The following LRRC61 variants were observed in gnomAD, a reference collection of about 807,000 sequenced individuals.
LRRC61 encodes leucine-rich repeat-containing protein 61.
A neutral mutation model predicts 15.1 loss-of-function variants in LRRC61; 9 were observed. The ratio of observed to expected loss-of-function variants is 0.60; its 90% CI spans 0.36 to 1.04. The LOEUF is 1.04. LRRC61 is among the 50% of genes least tolerant of loss of function. LRRC61 has a pLI of 0.01. For missense variants in LRRC61, 344 were observed against 335.6 expected (o/e 1.03, Z -0.20); for synonymous variants, 173 against 158.6 (o/e 1.09, Z -0.68).
chr7:150,321,034 G>A (rs181713782), upstream of LRRC61, among the ~76,000 whole-genome samples: 29 of 152,284 alleles, frequency 1.9e-4, no homozygotes, highest in African/African-American at 6.0e-4. Flanking sequence ...ACCCTGGGCT[G>A]GTCCTTAACT....
intron 1 of LRRC61, among the ~76,000 whole-genome samples, 174 bp from the exon 2 acceptor site, chr7:150,325,667 C>T (rs970690520): frequency 6.6e-6 from 1 of 152,130 alleles, no homozygotes; most frequent in Non-Finnish European, 1.5e-5. Flanking sequence ...GACAAGGTTT[C>T]GCCATCTTGC....
At chr7:150,336,188 A>G (rs1016259950) in intron 2 of LRRC61, among the ~76,000 whole-genome samples, 1 of 152,190 alleles carries the variant, frequency 6.6e-6, no homozygotes, top group Non-Finnish European at 1.5e-5. Context: ...CAGCTGACCC[A>G]TATAATCTGG....
chr7:150,317,599 A>C, the LRRC61 span, among the ~76,000 whole-genome samples: 1 of 152,206 alleles, frequency 6.6e-6, no homozygotes, highest in Non-Finnish European at 1.5e-5. Flanking sequence ...AAACCACCAG[A>C]ACAACGTTAA....
At chr7:150,332,987 G>A (rs1225743217) in intron 2 of LRRC61, among the ~76,000 whole-genome samples, 1 of 152,192 alleles carries the variant, frequency 6.6e-6, no homozygotes, top group Non-Finnish European at 1.5e-5. Flanking sequence ...GGGAGGATCC[G>A]AGAATGTGAT....
At chr7:150,321,553 A>T (rs1371490933), upstream of LRRC61, among the ~76,000 whole-genome samples, 1 of 152,172 alleles carries the variant, frequency 6.6e-6, no homozygotes, top group Non-Finnish European at 1.5e-5. Flanking sequence ...CACCCTGGCC[A>T]ATATGGCGAA....
At chr7:150,314,735 G>C in the LRRC61 span, among the ~76,000 whole-genome samples, 1 of 142,266 alleles carries the variant, frequency 7.0e-6, no homozygotes, top group Non-Finnish European at 1.5e-5. Context: ...TTGAGCCCAA[G>C]ACCAGCCTGA....
At position 150,335,030 on chromosome 7, in the gene LRRC61, CAAAAAAAA is replaced by C. The variant is rs58391879; in HGVS notation, c.-144-1677_-144-1670del. Among the ~76,000 whole-genome samples, 15 of 102,352 alleles carry C rather than the reference CAAAAAAAA, an allele frequency of 1.5e-4. No homozygotes were observed. The highest frequency in any genetic ancestry group is 2.2e-4 in the Non-Finnish European group (11 of 49,036). 67.1% of individuals were successfully genotyped at this position (102,352 alleles called of 152,430 possible). On this transcript the variant is annotated intron_variant, in intron 2 of 2. Transcript: ENST00000359623. This position sits in a 1 kb window ranked among gnomAD's most constrained non-coding sequence, Gnocchi z 4.3. ...GGGCAACAAGAGTGAAACTCTGTCT[CAAAAAAAA>C]AAAAAAAAAAGAAAAAAAGGAGCCC... is the stretch of plus-strand genomic sequence containing the variant.
rs1191785394 is a variant in LRRC61 at position 150,333,183 on chromosome 7, T to C, written c.-144-3535T>C. ...GGCTCGGGAGAAGAACGTGAGAAGA[T>C]TGGGTGAGGATGAAAGGAAGAGGGT... is the stretch of plus-strand genomic sequence containing the variant. On this transcript the variant is annotated intron_variant, in intron 2 of 2. Coordinates refer to ENST00000359623, the MANE Select transcript of LRRC61 (RefSeq NM_001142928.2). The surrounding 1 kb of genome is among the most constrained non-coding windows in gnomAD (Gnocchi z 4.3). 2.0e-5 allele frequency among the ~76,000 whole-genome samples: 3 copies of C among 151,932 alleles called. No individual in the cohort carries two copies. Among genetic ancestry groups the C allele is most frequent in the Admixed American group, 6.6e-5 (1 of 15,258 alleles).
At position 150,335,401 on chromosome 7, in the gene LRRC61, A is replaced by G. The variant is rs1798257221; in HGVS notation, c.-144-1317A>G. On this transcript the variant is annotated intron_variant, in intron 2 of 2. Transcript: ENST00000359623. This position sits in a 1 kb window ranked among gnomAD's most constrained non-coding sequence, Gnocchi z 4.3. Reference sequence around the variant, plus strand: ...AGAATGAGCTGGAATGTTGCAGACTAGAAGGGAGCTAGATAAGGAAATGGG... The same window carrying G: ...AGAATGAGCTGGAATGTTGCAGACTGGAAGGGAGCTAGATAAGGAAATGGG... 6.6e-6 allele frequency among the ~76,000 whole-genome samples: 1 copy of G among 152,266 alleles called. No individual in the cohort carries two copies. Among genetic ancestry groups the G allele is most frequent in the South Asian group, 2.1e-4 (1 of 4,836 alleles).
In LRRC61 at chr7:150,330,808, G is replaced by A; in HGVS notation, c.-145+4798G>A. The A allele has an allele frequency of 6.2e-7, 1 of 1,611,604 alleles. No individual in the cohort carries two copies. The highest frequency in any genetic ancestry group is 8.5e-7 in the Non-Finnish European group (1 of 1,178,604). ...AGGGGTCTGTGCGTGGACCCCACCA[G>A]GGTAGCCAAGAGCTCCGGGGTGGAG... is the stretch of plus-strand genomic sequence containing the variant. On this transcript the variant is annotated intron_variant, in intron 2 of 2. Transcript: ENST00000359623. This position sits in a 1 kb window ranked among gnomAD's most constrained non-coding sequence, Gnocchi z 4.6.
chr7:150,310,677 A>G, the LRRC61 span, among the ~76,000 whole-genome samples: 1 of 151,848 alleles, frequency 6.6e-6, no homozygotes, highest in Non-Finnish European at 1.5e-5. Flanking sequence ...CCTGACACCC[A>G]CCAGTCCCAG....
At position 150,330,428 on chromosome 7, in the gene LRRC61, G is replaced by C. The variant is rs570801345; in HGVS notation, c.-145+4418G>C. ...AGATGGTGGTCCGCGAGGCGAGTGCGGCACAGGCCTCTCTGAGCCAGGTGC... is the reference window on the plus strand; with the variant it reads ...AGATGGTGGTCCGCGAGGCGAGTGCCGCACAGGCCTCTCTGAGCCAGGTGC... On this transcript the variant is annotated intron_variant, in intron 2 of 2. Coordinates refer to ENST00000359623, the MANE Select transcript of LRRC61 (RefSeq NM_001142928.2). This position sits in a 1 kb window ranked among gnomAD's most constrained non-coding sequence, Gnocchi z 4.6. 1.3e-6 allele frequency: 1 copy of C among 773,714 alleles called. No individual in the cohort carries two copies. The highest frequency in any genetic ancestry group is 1.3e-5 in the South Asian group (1 of 74,606). The allele number at this position is 773,714 out of a possible 1,614,324, so 47.9% of individuals were successfully genotyped here.
At chr7:150,327,274 G>T (rs1280762630) in intron 2 of LRRC61, among the ~76,000 whole-genome samples, 1 of 152,098 alleles carries the variant, frequency 6.6e-6, no homozygotes, top group Non-Finnish European at 1.5e-5. Context: ...AATGGGAAAG[G>T]AAGTACCTGG....
the LRRC61 span, among the ~76,000 whole-genome samples, chr7:150,312,382 C>CA: frequency 2.7e-3 from 405 of 152,326 alleles, 2 homozygotes; most frequent in South Asian, 8.7e-3. Context: ...GACCGCCACT[C>CA]ACACCTATGG....
At chr7:150,326,256 T>C (rs962328444) in intron 2 of LRRC61, among the ~76,000 whole-genome samples, 3 of 152,224 alleles carry the variant, frequency 2.0e-5, no homozygotes, top group Non-Finnish European at 2.9e-5. Context: ...TAGTAGACAT[T>C]TGATGAATTT....
chr7:150,334,520 T>C (rs937348952), intron 2 of LRRC61, among the ~76,000 whole-genome samples: 9 of 152,204 alleles, frequency 5.9e-5, no homozygotes, highest in Admixed American at 3.3e-4. Context: ...TAGAGAGCTC[T>C]GTATCCCCAG....
At chr7:150,319,696 G>A (rs868171534), upstream of LRRC61, among the ~76,000 whole-genome samples, 1 of 152,152 alleles carries the variant, frequency 6.6e-6, no homozygotes, top group Non-Finnish European at 1.5e-5. Flanking sequence ...CTCCAGTCTT[G>A]ACAATTACTC....
rs143446716 is a variant in LRRC61, at chr7:150,330,564, C to T, written c.-145+4554C>T. The T allele has an allele frequency of 4.2e-5, 33 of 781,360 alleles. No individual in the cohort carries two copies. The highest frequency in any genetic ancestry group is 5.7e-5 in the Non-Finnish European group (24 of 420,170). 48.4% of individuals were successfully genotyped at this position (781,360 alleles called of 1,614,324 possible). On this transcript the variant is annotated intron_variant, in intron 2 of 2. Coordinates refer to ENST00000359623, the MANE Select transcript of LRRC61 (RefSeq NM_001142928.2). This position sits in a 1 kb window ranked among gnomAD's most constrained non-coding sequence, Gnocchi z 4.6. The stretch of plus-strand genomic sequence containing the variant: ...CATCCAGCTGGCTGAGGGGTTGGCC[C>T]GGCAGCTCTGCACCGACTGTCAGCT...
the LRRC61 span, among the ~76,000 whole-genome samples, chr7:150,317,820 G>A: frequency 3.3e-5 from 5 of 152,086 alleles, no homozygotes; most frequent in African/African-American, 1.2e-4. Flanking sequence ...CAGTAGCTGA[G>A]GAAATGGATT....
Sources: gnomAD v4.1 joint callset for allele counts (sites outside exome capture counted in the v4.1 genomes callset) on GRCh38, gnomAD v4.1.1 for gene constraint, Gnocchi (gnomAD v3.1) non-coding constraint, MANE v1.5 for transcripts, NCBI Gene and HGNC (gene_info 2026-07-23, HGNC 2026-07-21) for gene names.